The following GRIP1 variants were observed in gnomAD, a reference collection of about 807,000 sequenced individuals.
GRIP1 encodes glutamate receptor interacting protein 1.
GRIP1 carries 45 observed loss-of-function variants against 129.9 expected under a neutral mutation model. The ratio of observed to expected loss-of-function variants is 0.35; its 90% CI spans 0.27 to 0.44. The LOEUF is 0.44. GRIP1 is among the 20% of genes least tolerant of loss of function. GRIP1 has a pLI of 1.00. For missense variants in GRIP1, 1,196 were observed against 1,396.8 expected (o/e 0.86, Z 2.29); for synonymous variants, 530 against 520.8 (o/e 1.02, Z -0.24).
intron 23 of GRIP1, among the ~76,000 whole-genome samples, chr12:66,364,666 T>C (rs1372109956): frequency 1.3e-5 from 2 of 152,234 alleles, no homozygotes; most frequent in Non-Finnish European, 2.9e-5. Context: ...TTTTATCTTA[T>C]GTAAAAATGC....
At chr12:67,047,844 C>T (rs1210920237) in intron 1 of GRIP1, among the ~76,000 whole-genome samples, 2 of 152,120 alleles carry the variant, frequency 1.3e-5, no homozygotes, top group South Asian at 4.1e-4. Flanking sequence ...ACATCCTATA[C>T]CTATCATCAA....
intron 3 of GRIP1, among the ~76,000 whole-genome samples, chr12:66,540,789 CTTAT>C (rs57465336): frequency 2.6e-5 from 4 of 151,640 alleles, no homozygotes; most frequent in Non-Finnish European, 5.9e-5. Flanking sequence ...TTTATTTTTA[CTTAT>C]TTATTTATTT....
intron 1 of GRIP1, among the ~76,000 whole-genome samples, chr12:66,704,501 C>T (rs1334895175): frequency 6.6e-6 from 1 of 151,868 alleles, no homozygotes; most frequent in East Asian, 1.9e-4. Flanking sequence ...AGAATCAACA[C>T]AAATAACAAA....
chr12:66,908,660 T>C lies in GRIP1; in HGVS notation c.58+160390A>G, dbSNP rs114339328. Among the ~76,000 whole-genome samples, 697 of 152,328 alleles carry C rather than the reference T, an allele frequency of 4.6e-3. 3 individuals carry two copies. Among genetic ancestry groups the C allele is most frequent in the African/African-American group, 0.015 (637 of 41,578 alleles). Reference sequence around the variant, plus strand: ...CATGGTATATAGGACATAGAAAATATTTTAATGGAAGATGTTATATTCCTA... The same window carrying C: ...CATGGTATATAGGACATAGAAAATACTTTAATGGAAGATGTTATATTCCTA... On this transcript the variant is annotated intron_variant, in intron 1 of 1. Coordinates refer to the GRIP1 transcript ENST00000643019.
intron 2 of GRIP1, among the ~76,000 whole-genome samples, chr12:66,589,666 G>A (rs1482682926): frequency 1.3e-5 from 2 of 152,078 alleles, no homozygotes; most frequent in South Asian, 2.1e-4. Flanking sequence ...TAAAGCCTAC[G>A]ATAAACCTAA....
upstream of GRIP1, among the ~76,000 whole-genome samples, chr12:66,807,159 C>A (rs964578968): frequency 1.3e-5 from 2 of 152,080 alleles, no homozygotes; most frequent in Admixed American, 1.3e-4. Context: ...TAAACGAGAT[C>A]ATTTTATTCA....
intron 1 of GRIP1, among the ~76,000 whole-genome samples, chr12:66,734,680 A>G (rs1269495217): frequency 3.9e-5 from 6 of 152,334 alleles, no homozygotes; most frequent in African/African-American, 1.4e-4. Context: ...GAATTAGATC[A>G]GTGTGGGAAG....
At chr12:66,840,554 T>C (rs1278340671) in intron 1 of GRIP1, among the ~76,000 whole-genome samples, 3 of 152,188 alleles carry the variant, frequency 2.0e-5, no homozygotes, top group Admixed American at 2.0e-4. Flanking sequence ...TCCTAGCTGA[T>C]TGGTTGACAT....
chr12:66,396,292 G>T (rs370219097), intron 16 of GRIP1, among the ~76,000 whole-genome samples: 1 of 152,308 alleles, frequency 6.6e-6, no homozygotes, highest in African/African-American at 2.4e-5. Context: ...GGGTTTTGGG[G>T]AGAAGGACAG....
At chr12:66,467,628 T>C (rs1185704681) in intron 7 of GRIP1, among the ~76,000 whole-genome samples, 1 of 152,224 alleles carries the variant, frequency 6.6e-6, no homozygotes, top group African/African-American at 2.4e-5. Flanking sequence ...CACCTCTCAA[T>C]TTTAACAAAG....
chr12:66,748,177 C>T lies in GRIP1; in HGVS notation c.-420+55876G>A, dbSNP rs149366451. 6.0e-3 allele frequency among the ~76,000 whole-genome samples: 919 copies of T among 152,120 alleles called. 11 individuals are homozygous for T. Among genetic ancestry groups the T allele is most frequent in the African/African-American group, 0.021 (876 of 41,492 alleles). Reference sequence around the variant, plus strand: ...GGGACTACAGGGCACACCATCATGTCGGCTAATTTCTGTATTTTTAGTAGA... The same window carrying T: ...GGGACTACAGGGCACACCATCATGTTGGCTAATTTCTGTATTTTTAGTAGA... On this transcript the variant is annotated intron_variant, in intron 1 of 4. Transcript: ENST00000538373.
At chr12:66,433,962 T>C (rs1303325844) in intron 13 of GRIP1, among the ~76,000 whole-genome samples, 1 of 152,212 alleles carries the variant, frequency 6.6e-6, no homozygotes, top group Non-Finnish European at 1.5e-5. Context: ...CACATTTGAG[T>C]CTGTGCAAAG....
In GRIP1 at chr12:66,449,655, C is replaced by T. The variant is rs527242150; in HGVS notation, c.1355-4147G>A. On this transcript the variant is annotated intron_variant, in intron 11 of 24. Transcript: ENST00000359742. ...GTGGTTTCGCTGATGTAGAGTGTACCGTGATTACTCTCCAGATAATAATTT... is the reference window on the plus strand; with the variant it reads ...GTGGTTTCGCTGATGTAGAGTGTACTGTGATTACTCTCCAGATAATAATTT... Among the ~76,000 whole-genome samples, 11 of 152,182 alleles carry T rather than the reference C, an allele frequency of 7.2e-5. No individual in the cohort carries two copies. The East Asian group carries it at 7.7e-4, about 11-fold the overall frequency.
rs183748308 is a variant in GRIP1 at position 66,898,823 on chromosome 12, C to T, written c.58+170227G>A. ...ACAATAACTACCTTGAAATTACTCTCTAAAAACATGCCAAGTGCTTTGATG... is the reference window on the plus strand; with the variant it reads ...ACAATAACTACCTTGAAATTACTCTTTAAAAACATGCCAAGTGCTTTGATG... On this transcript the variant is annotated intron_variant, in intron 1 of 1. Coordinates refer to the GRIP1 transcript ENST00000643019. Among the ~76,000 whole-genome samples, 3 of 152,282 alleles carry T rather than the reference C, an allele frequency of 2.0e-5. No individual in the cohort carries two copies. In the East Asian group the frequency reaches 5.8e-4, roughly 29 times the overall value.
intron 15 of GRIP1, among the ~76,000 whole-genome samples, chr12:66,411,742 T>C (rs1565712150): frequency 6.6e-6 from 1 of 152,120 alleles, no homozygotes; most frequent in South Asian, 2.1e-4. Context: ...TAATAAAACA[T>C]TACAGGAGCT....
At chr12:66,514,649 C>A (rs2060793204) in intron 7 of GRIP1, among the ~76,000 whole-genome samples, 1 of 152,082 alleles carries the variant, frequency 6.6e-6, no homozygotes, top group South Asian at 2.1e-4. Flanking sequence ...CATACCACAT[C>A]ATTTATCCTT....
chr12:66,658,153 G>T (rs1348214774), intron 1 of GRIP1, among the ~76,000 whole-genome samples: 1 of 152,010 alleles, frequency 6.6e-6, no homozygotes, highest in Non-Finnish European at 1.5e-5. Flanking sequence ...CAACTGATTT[G>T]TTAATGCAAA....
At chr12:66,429,175 A>G (rs1326568844) in intron 14 of GRIP1, among the ~76,000 whole-genome samples, 1 of 152,222 alleles carries the variant, frequency 6.6e-6, no homozygotes, top group Admixed American at 6.5e-5. Flanking sequence ...ATGAAGAGTG[A>G]GCCGTAAAGG....
intron 1 of GRIP1, among the ~76,000 whole-genome samples, chr12:66,609,727 T>C (rs1327099524): frequency 6.6e-6 from 1 of 152,190 alleles, no homozygotes; most frequent in Non-Finnish European, 1.5e-5. Flanking sequence ...AATGTGATTG[T>C]TTAATTTTGA....
Sources: allele counts gnomAD v4.1 joint callset (sites outside exome capture counted in the v4.1 genomes callset), GRCh38; gene constraint gnomAD v4.1.1; transcripts MANE v1.5; gene names NCBI Gene and HGNC (gene_info 2026-07-23, HGNC 2026-07-21).